The following COLGALT1 variants were observed in gnomAD, a reference collection of about 807,000 sequenced individuals.
COLGALT1 encodes the protein procollagen galactosyltransferase 1.
Under a neutral mutation model 60.8 loss-of-function variants are expected in COLGALT1, and 43 were observed. The ratio of observed to expected loss-of-function variants is 0.71; its 90% confidence interval spans 0.55 to 0.91. The LOEUF (loss-of-function observed/expected upper bound fraction) is 0.91. COLGALT1 is among the 40% of genes least tolerant of loss of function. The probability of loss-of-function intolerance (pLI) is 0.00; values close to 1 mark genes in which losing one functional copy is unlikely to be tolerated. For synonymous variants in COLGALT1, 369 were observed against 374.2 expected (o/e 0.99, Z 0.16); for missense variants, 845 against 880.0 (o/e 0.96, Z 0.50).
chr19:17,567,017 A>C (rs1014067654), intron 3 of COLGALT1, among the ~76,000 whole-genome samples: 2 of 152,102 alleles, frequency 1.3e-5, no homozygotes, highest in Non-Finnish European at 2.9e-5. Context: ...CGGGAGGCTG[A>C]GACAGGAGAA....
intron 4 of COLGALT1, 45 bp downstream of exon 4, chr19:17,567,585 G>A: frequency 6.3e-7 from 1 of 1,589,772 alleles, no homozygotes; most frequent in Non-Finnish European, 8.6e-7. Context: ...CTGAGCAGGG[G>A]GGTGCCGTGG....
chr19:17,557,114 C>T (rs2076216988), intron 1 of COLGALT1, among the ~76,000 whole-genome samples: 2 of 152,114 alleles, frequency 1.3e-5, no homozygotes, highest in Admixed American at 6.6e-5. Flanking sequence ...TTTGGCACTA[C>T]GGTCAAACTA....
chr19:17,555,729 C>T lies in COLGALT1; in HGVS notation c.16C>T (p.Arg6Cys), dbSNP rs2076205904. ...GCGTGGCGCGATGGCGGCGGCCCCA[C>T]GCGCGGGCCGGCGGCGCGGGCAGCC... MAAAPRAGRRRGQPLL... is the reference protein window; with the variant it reads MAAAPCAGRRRGQPLL... Residue 6 changes from arginine to cysteine, a missense_variant, in exon 1 of 12, where the codon CGC becomes TGC. Transcript: ENST00000252599. 2 of 1,198,624 alleles carry T rather than the reference C, an allele frequency of 1.7e-6. No homozygotes were observed. The highest frequency in any genetic ancestry group is 4.2e-5 in the South Asian group (1 of 23,854). 74.2% of individuals were successfully genotyped at this position (1,198,624 alleles called of 1,614,324 possible).
Position 17,563,885 on chromosome 19 carries a change from C to T in COLGALT1, c.489+3420C>T, listed in dbSNP as rs539366023. On this transcript the variant is annotated intron_variant, in intron 3 of 11. Coordinates refer to ENST00000252599, the MANE Select transcript of COLGALT1 (RefSeq NM_024656.4). ...TGTTTTAAAATGATTGTTTGAAGGT[C>T]CCCCTTTCTCTCTCTTTTTACAAAA... Among the ~76,000 whole-genome samples, 191 of 150,358 alleles carry T rather than the reference C, an allele frequency of 1.3e-3. 1 individual carries two copies. Among genetic ancestry groups the T allele is most frequent in the African/African-American group, 4.5e-3 (185 of 41,294 alleles).
rs149278960 is a variant in COLGALT1 at position 17,564,851 on chromosome 19, C to A, written c.490-2555C>A. On this transcript the variant is annotated intron_variant, in intron 3 of 11. Transcript: ENST00000252599. ...CCTCTAATTCTAGAACATTTTCATTCCCCAGAAAGAAAACCCTATTCCCAT... is the reference window on the plus strand; with the variant it reads ...CCTCTAATTCTAGAACATTTTCATTACCCAGAAAGAAAACCCTATTCCCAT... Among the ~76,000 whole-genome samples the A allele has an allele frequency of 2.9e-3, 440 of 152,182 alleles. 2 individuals are homozygous for A. The highest frequency in any genetic ancestry group is 5.2e-3 in the Non-Finnish European group (354 of 67,990).
At chr19:17,579,884 G>A in intron 10 of COLGALT1, 1 of 446,242 alleles carries the variant, frequency 2.2e-6, no homozygotes, top group Non-Finnish European at 4.1e-6. Flanking sequence ...TGGCAGGCGT[G>A]GCCAACCCTT....
At position 17,577,271 on chromosome 19, in the gene COLGALT1, G is replaced by T. The variant is rs1414457293; in HGVS notation, c.1026G>T (p.Glu342Asp). 1.2e-6 allele frequency: 2 copies of T among 1,613,246 alleles called. No homozygotes were observed. The change falls in exon 7 of 12, where the codon GAG becomes GAT. Residue 342 changes from glutamate (E) to aspartate (D), a missense_variant and splice_region_variant. Transcript: ENST00000252599. ...TKTPDKMGFDEVFMINLRRRQ... is the reference protein window; with the variant it reads ...TKTPDKMGFDDVFMINLRRRQ... ...CACCGGACAAGATGGGCTTCGACGA[G>T]GTGAGCTGGGCCTTCCCTGGAGGCG...
intron 3 of COLGALT1, among the ~76,000 whole-genome samples, chr19:17,564,333 CTATATA>C (rs1568474561): frequency 6.8e-6 from 1 of 147,306 alleles, no homozygotes; most frequent in African/African-American, 2.5e-5. Flanking sequence ...GTATATATAT[CTATATA>C]TGTATATAAA....
chr19:17,561,822 A>G (rs1274876988), intron 3 of COLGALT1, among the ~76,000 whole-genome samples: 2 of 152,056 alleles, frequency 1.3e-5, no homozygotes, highest in African/African-American at 4.8e-5. Flanking sequence ...GTTTTCTATG[A>G]TCAACCCCAA....
intron 5 of COLGALT1, among the ~76,000 whole-genome samples, chr19:17,569,500 C>T (rs968639859): frequency 5.9e-5 from 9 of 151,298 alleles, no homozygotes; most frequent in East Asian, 3.9e-4. Flanking sequence ...TGCAGTGGTG[C>T]GATCTCGGCT....
rs1477452873 is a variant in COLGALT1 at position 17,578,081 on chromosome 19, TG to T, written c.1260del (p.Trp420Ter). The T allele has an allele frequency of 6.2e-7, 1 of 1,606,648 alleles. No homozygotes were observed. The highest frequency in any genetic ancestry group is 1.3e-5 in the African/African-American group (1 of 74,908). On this transcript the variant is annotated frameshift_variant, in exon 9 of 12. Transcript: ENST00000252599. LOFTEE classifies it high-confidence loss of function. ...CTGCTTCCTGAGCCACTACAACATC[TG>T]GAAGGAGGTGTGTCCTGAGTGATGG... ...LGCFLSHYNI[W>X]KEVVDRGLQK...
At chr19:17,565,459 AC>A (rs1403689736) in intron 3 of COLGALT1, among the ~76,000 whole-genome samples, 1 of 151,900 alleles carries the variant, frequency 6.6e-6, no homozygotes, top group Non-Finnish European at 1.5e-5. Context: ...GAGCCACTGC[AC>A]CCGGCCTGGC....
intron 1 of COLGALT1, chr19:17,556,440 A>T: frequency 8.0e-6 from 5 of 622,852 alleles, no homozygotes; most frequent in Non-Finnish European, 1.0e-5. Flanking sequence ...TGCTGCCCTT[A>T]AGCTTGAACT....
chr19:17,565,867 G>A (rs62119895), intron 3 of COLGALT1, among the ~76,000 whole-genome samples: 244 of 152,264 alleles, frequency 1.6e-3, no homozygotes, highest in Non-Finnish European at 2.9e-3. Flanking sequence ...ACCGGATGGG[G>A]TGTGTAACAT....
intron 3 of COLGALT1, among the ~76,000 whole-genome samples, chr19:17,566,428 A>G (rs566898162): frequency 6.6e-6 from 1 of 152,168 alleles, no homozygotes; most frequent in South Asian, 2.1e-4. Context: ...CTGTGTCTTT[A>G]CATCCTGGTA....
chr19:17,559,066 CAGG>C (rs1599776280), intron 1 of COLGALT1, among the ~76,000 whole-genome samples: 1 of 151,858 alleles, frequency 6.6e-6, no homozygotes, highest in Non-Finnish European at 1.5e-5. Context: ...GAGGCTGAGA[CAGG>C]AGAAGGCGTG....
chr19:17,572,694 C>T, intron 6 of COLGALT1, 92 bp downstream of exon 6: 1 of 1,549,034 alleles, frequency 6.5e-7, no homozygotes, highest in African/African-American at 1.4e-5. Flanking sequence ...GACTGAGTGC[C>T]AGGCAGATGC....
chr19:17,571,007 C>T (rs560330463), intron 5 of COLGALT1, among the ~76,000 whole-genome samples: 1 of 152,296 alleles, frequency 6.6e-6, no homozygotes, highest in East Asian at 1.9e-4. Flanking sequence ...ATTTAAGTGT[C>T]GTCTGTAGCT....
Position 17,569,891 on chromosome 19 carries a change from C to CT in COLGALT1, c.829+1199dup, listed in dbSNP as rs71162156. ...CAGGCCAAACCTGGCCCACTAATTACTTTTTTTTTTTTTTTTTTTTTGAGA... is the reference window on the plus strand; with the variant it reads ...CAGGCCAAACCTGGCCCACTAATTACTTTTTTTTTTTTTTTTTTTTTTGAGA... On this transcript the variant is annotated intron_variant, in intron 5 of 11. Transcript: ENST00000252599. Among the ~76,000 whole-genome samples, 146 of 98,714 alleles carry CT rather than the reference C, an allele frequency of 1.5e-3. 9 individuals are homozygous for CT. Among genetic ancestry groups the CT allele is most frequent in the African/African-American group, 4.3e-3 (110 of 25,406 alleles). 64.8% of individuals were successfully genotyped at this position (98,714 alleles called of 152,430 possible).
Sources: gnomAD v4.1 joint callset for allele counts (sites outside exome capture counted in the v4.1 genomes callset) on GRCh38, gnomAD v4.1.1 for gene constraint, MANE v1.5 for transcripts, NCBI Gene and HGNC (gene_info 2026-07-23, HGNC 2026-07-21) for gene names.